NUCB2: variants seen among roughly 807,000 people sequenced by gnomAD.
NUCB2 encodes the protein nucleobindin-2.
NUCB2 carries 48 observed loss-of-function variants against 57.9 expected under a neutral mutation model. The ratio of observed to expected loss-of-function variants is 0.83; its 90% confidence interval spans 0.66 to 1.05. NUCB2 has a LOEUF of 1.05. Ranked by LOEUF, NUCB2 falls within the 50% of genes least tolerant of loss-of-function variation. The probability of loss-of-function intolerance (pLI) is 0.00; values close to 1 mark genes in which losing one functional copy is unlikely to be tolerated. For missense variants in NUCB2, 442 were observed against 476.2 expected, an observed-to-expected ratio of 0.93 and a Z score of 0.67; for synonymous variants, 139 against 152.1, an observed-to-expected ratio of 0.91 and a Z score of 0.64.
intron 2 of NUCB2, among the ~76,000 whole-genome samples, chr11:17,285,934 TACACAC>T (rs140090235): frequency 0.011 from 1,518 of 143,516 alleles, 22 homozygotes; most frequent in African/African-American, 0.035. Flanking sequence ...CACGTGTGCG[TACACAC>T]ACACACACAC....
chr11:17,318,174 C>T (rs1931861462), intron 11 of NUCB2, among the ~76,000 whole-genome samples: 1 of 151,620 alleles, frequency 6.6e-6, no homozygotes, highest in African/African-American at 2.4e-5. Flanking sequence ...ACCACCATGC[C>T]TGGATCTTTT....
downstream of NUCB2, chr11:17,332,489 CCTT>C (rs1275072049): frequency 6.7e-6 from 1 of 149,746 alleles, no homozygotes; most frequent in South Asian, 2.2e-4. Context: ...ATTCTGTGTA[CCTT>C]CTTCTTCCGA....
At chr11:17,277,079 G>C (rs1353156545) in intron 1 of NUCB2, 1 of 152,428 alleles carries the variant, frequency 6.6e-6, no homozygotes, top group Non-Finnish European at 1.5e-5. Flanking sequence ...CTGGCTCTTG[G>C]CGGGGAGCAG....
chr11:17,310,690 TAA>T (rs1344959545), intron 6 of NUCB2, 133 bp from the exon 7 acceptor site: 1 of 560,884 alleles, frequency 1.8e-6, no homozygotes, highest in Non-Finnish European at 3.1e-6. Context: ...TGGTAGAATT[TAA>T]AAAGAGGAGT....
chr11:17,318,088 C>A (rs1444126391), intron 11 of NUCB2, among the ~76,000 whole-genome samples: 1 of 151,714 alleles, frequency 6.6e-6, no homozygotes, highest in African/African-American at 2.4e-5. Flanking sequence ...ACCTCTGCCC[C>A]CATCCCCCTC....
intron 2 of NUCB2, among the ~76,000 whole-genome samples, chr11:17,286,249 C>G (rs891766544): frequency 6.6e-6 from 1 of 152,236 alleles, no homozygotes; most frequent in East Asian, 1.9e-4. Flanking sequence ...ATTGCTCAGG[C>G]TGGTCTTGAA....
intron 1 of NUCB2, among the ~76,000 whole-genome samples, chr11:17,279,409 A>G (rs983822874): frequency 6.6e-6 from 1 of 152,176 alleles, no homozygotes; most frequent in African/African-American, 2.4e-5. Flanking sequence ...ATAACCTTTT[A>G]TAAAAGTAGG....
At position 17,330,386 on chromosome 11, in the gene NUCB2, A is replaced by AT; in HGVS notation, c.1173+90dup. On this transcript the variant is annotated intron_variant, in intron 12 of 13. Coordinates refer to ENST00000529010, the MANE Select transcript of NUCB2 (RefSeq NM_005013.4). This position sits in a 1 kb window ranked among gnomAD's most constrained non-coding sequence, Gnocchi z 4.3. ...TTTTTGTAACATATTTCATTGTACT[A>AT]TATAGTACACTGCTATAGCTATACT... 2 of 892,984 alleles carry AT rather than the reference A, an allele frequency of 2.2e-6. No individual in the cohort carries two copies. The highest frequency in any genetic ancestry group is 3.4e-6 in the Non-Finnish European group (2 of 586,018). 55.3% of individuals were successfully genotyped at this position (892,984 alleles called of 1,614,324 possible). A position where few individuals can be genotyped will look rare whatever the true frequency, so the allele number is the denominator to read the frequency against.
intron 11 of NUCB2, among the ~76,000 whole-genome samples, chr11:17,318,841 T>TA (rs1374227935): frequency 7.2e-5 from 11 of 152,258 alleles, no homozygotes; most frequent in Admixed American, 3.9e-4. Flanking sequence ...TCAAAAGACT[T>TA]ACGCCATTTA....
chr11:17,277,690 A>G (rs1361257247), intron 1 of NUCB2, among the ~76,000 whole-genome samples: 2 of 152,208 alleles, frequency 1.3e-5, no homozygotes, highest in Non-Finnish European at 2.9e-5. Flanking sequence ...AAATCCGTGG[A>G]CGAATATGAA....
At chr11:17,297,598 C>T (rs756589782) in intron 4 of NUCB2, among the ~76,000 whole-genome samples, 1 of 152,002 alleles carries the variant, frequency 6.6e-6, no homozygotes, top group African/African-American at 2.4e-5. Flanking sequence ...GGAGTAAGAA[C>T]GTTATTTGGG....
intron 4 of NUCB2, among the ~76,000 whole-genome samples, chr11:17,296,571 A>G (rs1284153847): frequency 6.6e-6 from 1 of 152,226 alleles, no homozygotes; most frequent in African/African-American, 2.4e-5. Context: ...TCTAATATGA[A>G]GCAGTGGGGC....
At chr11:17,349,118 C>A (rs563165556) in intron 2 of NUCB2, among the ~76,000 whole-genome samples, 18 of 152,310 alleles carry the variant, frequency 1.2e-4, no homozygotes, top group Admixed American at 1.1e-3. Context: ...CTCTCTCCAA[C>A]TTGCTTTTGC....
chr11:17,287,672 C>CAAA (rs1158145912), intron 2 of NUCB2, among the ~76,000 whole-genome samples: 3 of 65,390 alleles, frequency 4.6e-5, no homozygotes, highest in African/African-American at 9.3e-5. Flanking sequence ...AACTCCACCT[C>CAAA]AAAAAAAAAA....
chr11:17,304,227 G>C (rs551943732), intron 5 of NUCB2, among the ~76,000 whole-genome samples: 1 of 148,882 alleles, frequency 6.7e-6, no homozygotes, highest in Non-Finnish European at 1.5e-5. Flanking sequence ...GAGTCTCACT[G>C]AGTCACCCAT....
chr11:17,335,621 C>A (rs896808826), downstream of NUCB2, among the ~76,000 whole-genome samples: 2 of 152,142 alleles, frequency 1.3e-5, no homozygotes, highest in Admixed American at 1.3e-4. Context: ...CCGGCCTTAG[C>A]CTCCCAAGTA....
chr11:17,324,852 A>C (rs1950479606), intron 11 of NUCB2, among the ~76,000 whole-genome samples: 1 of 151,814 alleles, frequency 6.6e-6, no homozygotes, highest in African/African-American at 2.4e-5. Flanking sequence ...CCCTGGCTAG[A>C]GTGCAGTGGC....
At chr11:17,296,418 T>A (rs1208925620) in intron 4 of NUCB2, among the ~76,000 whole-genome samples, 1 of 152,104 alleles carries the variant, frequency 6.6e-6, no homozygotes, top group Admixed American at 6.6e-5. Context: ...TGCCAGGCAC[T>A]GAGCTAAGTA....
At chr11:17,285,179 G>A (rs1286702461) in intron 2 of NUCB2, among the ~76,000 whole-genome samples, 5 of 152,158 alleles carry the variant, frequency 3.3e-5, no homozygotes, top group Admixed American at 3.3e-4. Context: ...TGTAATCCCA[G>A]CACTTTGGGA....
Sources: gnomAD v4.1 joint callset for allele counts (sites outside exome capture counted in the v4.1 genomes callset) on GRCh38, gnomAD v4.1.1 for gene constraint, Gnocchi (gnomAD v3.1) non-coding constraint, MANE v1.5 for transcripts, NCBI Gene and HGNC (gene_info 2026-07-23, HGNC 2026-07-21) for gene names.